The following SVIL variants were observed in gnomAD, a reference collection of about 807,000 sequenced individuals.
SVIL encodes the protein archvillin.
A neutral mutation model predicts 240.4 loss-of-function variants in SVIL; 101 were observed. That is an observed-to-expected ratio of 0.42 (90% CI 0.36 to 0.50). The LOEUF (loss-of-function observed/expected upper bound fraction) is 0.50, where lower values mean the gene tolerates loss of function less well. Ranked by LOEUF, SVIL falls within the 20% of genes least tolerant of loss-of-function variation. The pLI, the probability that SVIL is intolerant of heterozygous loss-of-function variation, is 0.01. For missense variants in SVIL, 2,512 were observed against 2,818.7 expected (o/e 0.89, Z 2.46); for synonymous variants, 999 against 1,100.0 (o/e 0.91, Z 1.82).
intron 17 of SVIL, among the ~76,000 whole-genome samples, chr10:29,509,330 G>GGGGAGGGAGAGAGA (rs1949620403): frequency 1.5e-5 from 1 of 66,880 alleles, no homozygotes; most frequent in Non-Finnish European, 3.1e-5. Context: ...GGAGGGGGAG[G>GGGGAGGGAGAGAGA]GAGAGAGAGA....
At position 29,533,184 on chromosome 10, in the gene SVIL, C is replaced by T; in HGVS notation, c.1183G>A (p.Ala395Thr). ...PENASECSWV[A>T]SATQNVPKPP... ...TTGGGGACATTCTGGGTGGCTGATG[C>T]TACCCAGCTACACTCAGATGCATTT... The change falls in exon 8 of 38, where the codon GCA (alanine) becomes ACA (threonine). Residue 395 changes from alanine (A) to threonine (T), a missense_variant. By Grantham distance (58) the Ala-to-Thr change is moderately conservative (BLOSUM62 0). Coordinates refer to ENST00000355867, the MANE Select transcript of SVIL (RefSeq NM_021738.3). 6.2e-7 allele frequency: 1 copy of T among 1,614,176 alleles called. No individual in the cohort carries two copies. The highest frequency in any genetic ancestry group is 2.2e-5 in the East Asian group (1 of 44,866).
chr10:29,564,574 G>A (rs1486728085), intron 2 of SVIL, among the ~76,000 whole-genome samples: 1 of 152,104 alleles, frequency 6.6e-6, no homozygotes, highest in Admixed American at 6.5e-5. Context: ...GGAAGAGACC[G>A]AGGAAGCCAC....
intron 1 of SVIL, among the ~76,000 whole-genome samples, chr10:29,580,764 T>C (rs556186329): frequency 6.6e-6 from 1 of 152,294 alleles, no homozygotes; most frequent in African/African-American, 2.4e-5. Context: ...CCTCCTGGGC[T>C]TAAGCCATCC....
chr10:29,733,594 G>A (rs1418093761), intron 1 of SVIL, among the ~76,000 whole-genome samples: 2 of 152,168 alleles, frequency 1.3e-5, no homozygotes, highest in South Asian at 2.1e-4. Context: ...TGTGAGGCAC[G>A]GCACCTGGCC....
intron 18 of SVIL, chr10:29,496,519 C>A: frequency 2.3e-6 from 1 of 428,012 alleles, no homozygotes; most frequent in South Asian, 1.7e-5. Context: ...AGAAATCCAT[C>A]CGTGTCCTGG....
intron 1 of SVIL, among the ~76,000 whole-genome samples, chr10:29,706,622 A>G (rs1962907530): frequency 6.6e-6 from 1 of 152,042 alleles, no homozygotes; most frequent in Non-Finnish European, 1.5e-5. Context: ...CTCTGATGAT[A>G]GTTTCTTTTG....
chr10:29,471,836 AG>A (rs1467255442), intron 30 of SVIL, among the ~76,000 whole-genome samples: 10 of 152,374 alleles, frequency 6.6e-5, no homozygotes, highest in African/African-American at 2.2e-4. Flanking sequence ...GCTGGTAGTC[AG>A]GGAGCACTGA....
chr10:29,557,686 A>G (rs1305049858), intron 3 of SVIL, among the ~76,000 whole-genome samples: 12 of 152,240 alleles, frequency 7.9e-5, no homozygotes, highest in Non-Finnish European at 8.8e-5. Flanking sequence ...TTCCAGAAAG[A>G]AAGATCTAGT....
chr10:29,718,900 G>A (rs1432526040), intron 1 of SVIL, among the ~76,000 whole-genome samples: 4 of 152,038 alleles, frequency 2.6e-5, no homozygotes, highest in South Asian at 2.1e-4. Context: ...ACCTGAGGTC[G>A]AGAGTTTAAG....
intron 17 of SVIL, among the ~76,000 whole-genome samples, chr10:29,509,016 A>C (rs142185452): frequency 6.6e-6 from 1 of 152,366 alleles, no homozygotes; most frequent in East Asian, 1.9e-4. Context: ...GTTGTAACAG[A>C]GACTGCTGCC....
chr10:29,637,721 G>C (rs1017503253), upstream of SVIL, among the ~76,000 whole-genome samples: 2 of 152,186 alleles, frequency 1.3e-5, no homozygotes, highest in Middle Eastern at 3.2e-3. Context: ...AAAGCAATGA[G>C]CTTCTACCCA....
rs1947251432 is a variant in SVIL at position 29,484,930 on chromosome 10, G to A, written c.4780-99C>T. ...CTTGTTGACAGTGAGTCAAACGGAGGAAGACAGAAATCCTAACGGGGCGAC... is the reference window on the plus strand; with the variant it reads ...CTTGTTGACAGTGAGTCAAACGGAGAAAGACAGAAATCCTAACGGGGCGAC... On this transcript the variant is annotated intron_variant, in intron 26 of 37. Transcript: ENST00000355867. This position sits in a 1 kb window ranked among gnomAD's most constrained non-coding sequence, Gnocchi z 4.7. 1.5e-6 allele frequency: 2 copies of A among 1,309,502 alleles called. No individual in the cohort carries two copies. The highest frequency in any genetic ancestry group is 5.0e-5 in the Admixed American group (2 of 39,636). The allele number at this position is 1,309,502 out of a possible 1,614,324, so 81.1% of individuals were successfully genotyped here.
intron 3 of SVIL, among the ~76,000 whole-genome samples, chr10:29,657,634 A>G (rs1358266987): frequency 6.6e-6 from 1 of 152,118 alleles, no homozygotes; most frequent in Non-Finnish European, 1.5e-5. Flanking sequence ...CACTCCCCGA[A>G]AGCTCCCTAA....
intron 1 of SVIL, among the ~76,000 whole-genome samples, chr10:29,603,107 ATG>A (rs530389962): frequency 1.2e-3 from 183 of 152,200 alleles, no homozygotes; most frequent in African/African-American, 4.3e-3. Context: ...CCCTTGCTGG[ATG>A]TGTTTTGCTT....
At chr10:29,584,300 C>G (rs528162800) in intron 1 of SVIL, among the ~76,000 whole-genome samples, 2 of 152,294 alleles carry the variant, frequency 1.3e-5, no homozygotes, top group South Asian at 4.1e-4. Flanking sequence ...TGAGAATGGC[C>G]CTGTATGGCA....
At chr10:29,506,209 C>T (rs923664949) in intron 17 of SVIL, among the ~76,000 whole-genome samples, 1 of 152,018 alleles carries the variant, frequency 6.6e-6, no homozygotes, top group Non-Finnish European at 1.5e-5. Context: ...ATATCTTTTC[C>T]TTTAAAGTTT....
At chr10:29,641,869 G>A (rs908279075) in intron 3 of SVIL, among the ~76,000 whole-genome samples, 14 of 152,170 alleles carry the variant, frequency 9.2e-5, no homozygotes, top group African/African-American at 2.9e-4. Context: ...GGAGGGATGC[G>A]ATTACTTGTG....
chr10:29,481,699 A>G lies in SVIL; in HGVS notation c.4985T>C (p.Ile1662Thr). 1.2e-6 allele frequency: 2 copies of G among 1,611,988 alleles called. No homozygotes were observed. The highest frequency in any genetic ancestry group is 1.3e-5 in the African/African-American group (1 of 74,856). Residue 1662 changes from isoleucine to threonine, a missense_variant, in exon 28 of 38, where the codon ATA (isoleucine) becomes ACA (threonine). Around this residue, in one of 3 missense-constraint regions of SVIL, gnomAD observed 797 missense variants for 925.3 expected, o/e 0.86. Transcript: ENST00000355867. ...ATTGTGTTCAGTAAGTCTCCCAAAT[A>G]TCGCCCAGTCGGGCCGCCCCTGTCC... is the stretch of plus-strand genomic sequence containing the variant. ...RKGQGRPDWAIFGRLTEHNET... is the reference protein window; with the variant it reads ...RKGQGRPDWATFGRLTEHNET...
In SVIL at chr10:29,529,908, C is replaced by T. The variant is rs1199587190; in HGVS notation, c.2107-64G>A. 8.9e-5 allele frequency: 133 copies of T among 1,491,448 alleles called. 1 individual carries two copies. The highest frequency in any genetic ancestry group is 8.6e-4 in the South Asian group (64 of 74,726). The allele number at this position is 1,491,448 out of a possible 1,614,324, so 92.4% of individuals were successfully genotyped here. A position where few individuals can be genotyped will look rare whatever the true frequency, so the allele number is the denominator to read the frequency against. ...GGAAAGAGCTGGGCACGGTGGCTCA[C>T]GCCTGTAATCCCAGCACTTTGGGAG... On this transcript the variant is annotated intron_variant, in intron 11 of 37. Coordinates refer to ENST00000355867, the MANE Select transcript of SVIL (RefSeq NM_021738.3).
Sources: gnomAD v4.1 joint callset for allele counts (sites outside exome capture counted in the v4.1 genomes callset) on GRCh38, gnomAD v4.1.1 for gene constraint, gnomAD v4.1.1 regional missense constraint, Gnocchi (gnomAD v3.1) non-coding constraint, MANE v1.5 for transcripts, NCBI Gene and HGNC (gene_info 2026-07-23, HGNC 2026-07-21) for gene names.